The following RGS7 variants were observed in gnomAD, a reference collection of about 807,000 sequenced individuals.
The protein encoded by RGS7 is regulator of G-protein signaling 7.
RGS7 carries 27 observed loss-of-function variants against 81.1 expected under a neutral mutation model. The observed-to-expected ratio is 0.33, with a 90% confidence interval of 0.25 to 0.46. RGS7 has a LOEUF of 0.46. RGS7 is among the 20% of genes least tolerant of loss of function. The pLI is 1.00. For synonymous variants in RGS7, 208 were observed against 207.7 expected (o/e 1.00, Z -0.01); for missense variants, 396 against 607.4 (o/e 0.65, Z 3.66).
chr1:240,939,423 G>A (rs746386932), intron 4 of RGS7, among the ~76,000 whole-genome samples: 13 of 152,120 alleles, frequency 8.5e-5, no homozygotes, highest in Non-Finnish European at 1.6e-4. Context: ...AAGCAGCCAC[G>A]TTCATCAACA....
intron 3 of RGS7, among the ~76,000 whole-genome samples, chr1:240,983,401 T>C (rs1263987183): frequency 1.3e-5 from 2 of 152,192 alleles, no homozygotes; most frequent in African/African-American, 4.8e-5. Context: ...GAAAGTGATT[T>C]GTTTACTAAA....
At chr1:241,348,536 CAAAT>C (rs2083047114) in intron 2 of RGS7, among the ~76,000 whole-genome samples, 1 of 152,164 alleles carries the variant, frequency 6.6e-6, no homozygotes. Context: ...CATAGAAAGA[CAAAT>C]AAATAAAGAC....
intron 4 of RGS7, among the ~76,000 whole-genome samples, chr1:240,953,937 A>T (rs187785): frequency 0.93 from 141,066 of 152,032 alleles, 65,560 homozygotes; most frequent in Admixed American, 0.96. Context: ...AAGGATCCAT[A>T]GAATTAAAAG....
chr1:241,045,006 G>GA (rs2060841574), intron 3 of RGS7, among the ~76,000 whole-genome samples: 1 of 152,090 alleles, frequency 6.6e-6, no homozygotes, highest in East Asian at 1.9e-4. Context: ...TCTGTACTTC[G>GA]AGTTTCTAAA....
intron 2 of RGS7, among the ~76,000 whole-genome samples, chr1:241,226,665 T>C (rs777911410): frequency 3.9e-5 from 6 of 152,228 alleles, no homozygotes; most frequent in Non-Finnish European, 5.9e-5. Context: ...ACTAGGAATT[T>C]ACATAGTGGT....
intron 2 of RGS7, among the ~76,000 whole-genome samples, chr1:241,332,949 G>A (rs1558328455): frequency 6.6e-6 from 1 of 152,210 alleles, no homozygotes; most frequent in Non-Finnish European, 1.5e-5. Flanking sequence ...CACCTGCAAG[G>A]GATGGACAGT....
At chr1:241,016,253 C>T (rs1360190861) in intron 3 of RGS7, among the ~76,000 whole-genome samples, 3 of 152,166 alleles carry the variant, frequency 2.0e-5, no homozygotes, top group East Asian at 1.9e-4. Flanking sequence ...GGTGCGGTGG[C>T]TCACGCCTGT....
chr1:240,877,997 T>C (rs1363991373), intron 6 of RGS7, among the ~76,000 whole-genome samples: 2 of 152,080 alleles, frequency 1.3e-5, no homozygotes, highest in South Asian at 2.1e-4. Flanking sequence ...TCCCATCTCA[T>C]CTCTCTCTAG....
At chr1:240,835,557 T>G (rs1694586993) in intron 9 of RGS7, among the ~76,000 whole-genome samples, 1 of 152,186 alleles carries the variant, frequency 6.6e-6, no homozygotes, top group Non-Finnish European at 1.5e-5. Flanking sequence ...ACTCTAACCA[T>G]TCGATCCAGC....
At chr1:241,217,277 A>G (rs985618811) in intron 2 of RGS7, among the ~76,000 whole-genome samples, 2 of 152,206 alleles carry the variant, frequency 1.3e-5, no homozygotes, top group Non-Finnish European at 2.9e-5. Flanking sequence ...CCCCCTCACC[A>G]GAAACAGAAT....
chr1:241,160,700 A>G (rs1034444875), intron 2 of RGS7, among the ~76,000 whole-genome samples: 4 of 152,216 alleles, frequency 2.6e-5, no homozygotes, highest in Non-Finnish European at 5.9e-5. Context: ...ATGGCAACCA[A>G]TCAATTCAGA....
chr1:240,837,967 C>A (rs184319008), intron 9 of RGS7, among the ~76,000 whole-genome samples: 18 of 152,280 alleles, frequency 1.2e-4, no homozygotes, highest in African/African-American at 4.3e-4. Flanking sequence ...ATTACAATAG[C>A]TGCCTTGAAT....
At position 241,330,874 on chromosome 1, in the gene RGS7, C is replaced by T. The variant is rs75267670; in HGVS notation, c.78+24825G>A. On this transcript the variant is annotated intron_variant, in intron 2 of 18. Coordinates refer to ENST00000440928, the MANE Select transcript of RGS7 (RefSeq NM_001364886.1). ...TGATGCTTTCAATAAAAGTCCAAAC[C>T]ACAGCATTATGCAATATACTCATGT... Among the ~76,000 whole-genome samples the T allele has an allele frequency of 6.8e-3, 1,033 of 152,232 alleles. 9 individuals are homozygous for T. The highest frequency in any genetic ancestry group is 0.01 in the Middle Eastern group (3 of 294).
At chr1:240,992,704 T>C (rs1336787652) in intron 3 of RGS7, among the ~76,000 whole-genome samples, 5 of 151,968 alleles carry the variant, frequency 3.3e-5, no homozygotes, top group Non-Finnish European at 7.4e-5. Context: ...TACCAATTAA[T>C]GATGCCATTT....
chr1:241,044,357 G>A (rs537213934), intron 3 of RGS7, among the ~76,000 whole-genome samples: 4 of 152,116 alleles, frequency 2.6e-5, no homozygotes, highest in East Asian at 1.9e-4. Flanking sequence ...TGATCTGCCC[G>A]CCTTGGCCTC....
At chr1:241,274,498 T>G (rs139806307) in intron 2 of RGS7, among the ~76,000 whole-genome samples, 81 of 152,316 alleles carry the variant, frequency 5.3e-4, no homozygotes, top group African/African-American at 1.9e-3. Context: ...ATATTATTTA[T>G]TACGATCTTA....
At chr1:241,356,674 TGTGCCCCGCGCCGCGGCGGCCGCCG>T (rs1227357470) in intron 1 of RGS7, among the ~76,000 whole-genome samples, 200 bp downstream of exon 1, 19 of 151,696 alleles carry the variant, frequency 1.3e-4, no homozygotes, top group African/African-American at 4.6e-4. Context: ...CAGGCGAGCC[TGTGCCCCGCGCCGCGGCGGCCGCCG>T]GAGCCGGGCA....
Position 241,047,801 on chromosome 1 carries a change from G to A in RGS7, c.175+50865C>T, listed in dbSNP as rs557562095. The stretch of plus-strand genomic sequence containing the variant: ...GTTGCCCAGGCTGGAGTGCAGTGGC[G>A]TGATCTCAGCTCACTGCAACCTCCG... On this transcript the variant is annotated intron_variant, in intron 3 of 18. Transcript: ENST00000440928. Among the ~76,000 whole-genome samples the A allele has an allele frequency of 1.2e-4, 17 of 144,098 alleles. No individual in the cohort carries two copies. In the East Asian group the frequency reaches 2.2e-3, roughly 19 times the overall value. 94.5% of individuals were successfully genotyped at this position (144,098 alleles called of 152,430 possible).
intron 3 of RGS7, among the ~76,000 whole-genome samples, chr1:241,051,874 T>A (rs1352223171): frequency 2.0e-5 from 3 of 152,184 alleles, no homozygotes; most frequent in African/African-American, 7.2e-5. Context: ...ACTATCTCAT[T>A]TCACAGATGA....
Sources: gnomAD v4.1 joint callset for allele counts (sites outside exome capture counted in the v4.1 genomes callset) on GRCh38, gnomAD v4.1.1 for gene constraint, MANE v1.5 for transcripts, NCBI Gene and HGNC (gene_info 2026-07-23, HGNC 2026-07-21) for gene names.